The following CACNA1C variants were observed in gnomAD, a reference collection of about 807,000 sequenced individuals.
CACNA1C encodes calcium voltage-gated channel subunit alpha1 C.
Under a neutral mutation model 229.0 loss-of-function variants are expected in CACNA1C, and 30 were observed. That is an observed-to-expected ratio of 0.13 (90% CI 0.10 to 0.18). The LOEUF (loss-of-function observed/expected upper bound fraction) is 0.18, where lower values mean the gene tolerates loss of function less well. Among genes scored for constraint, CACNA1C ranks in the 10% least tolerant of loss-of-function variants. The pLI is 1.00. For missense variants in CACNA1C, 1,658 were observed against 2,845.0 expected, an observed-to-expected ratio of 0.58 and a Z score of 9.49; for synonymous variants, 1,114 against 1,132.5, an observed-to-expected ratio of 0.98 and a Z score of 0.33.
chr12:1,992,115 TA>T (rs200854170), intron 1 of CACNA1C: 9,518 of 302,622 alleles, frequency 0.031, 222 homozygotes, highest in Middle Eastern at 0.058. Flanking sequence ...CTACAATTGA[TA>T]AAGTGTACCT....
At chr12:2,156,349 T>C (rs540246494) in intron 3 of CACNA1C, among the ~76,000 whole-genome samples, 2 of 152,280 alleles carry the variant, frequency 1.3e-5, no homozygotes, top group South Asian at 4.1e-4. Flanking sequence ...AGCGTAAAAA[T>C]TGCAGATTCA....
chr12:2,319,834 A>T lies in CACNA1C; in HGVS notation c.478-129142A>T, dbSNP rs1183760530. 6.6e-6 allele frequency among the ~76,000 whole-genome samples: 1 copy of T among 152,026 alleles called. No homozygotes were observed. The highest frequency in any genetic ancestry group is 1.9e-4 in the East Asian group (1 of 5,174). On this transcript the variant is annotated intron_variant, in intron 3 of 46. Coordinates refer to ENST00000399655, the MANE Select transcript of CACNA1C (RefSeq NM_000719.7). This position sits in a 1 kb window ranked among gnomAD's most constrained non-coding sequence, Gnocchi z 4.0. ...AAGAGCCTGCCAGGTATCCCCTTCT[A>T]GCAGGAGGGGCCCCCAGACATTTCA...
chr12:2,684,306 A>C (rs1274135620), intron 43 of CACNA1C, among the ~76,000 whole-genome samples: 2 of 152,184 alleles, frequency 1.3e-5, no homozygotes, highest in Non-Finnish European at 2.9e-5. Flanking sequence ...CCCATCAGCA[A>C]AATGGGACGG....
chr12:1,970,814 C>T (rs1042356031), upstream of CACNA1C: 11 of 271,582 alleles, frequency 4.1e-5, no homozygotes, highest in African/African-American at 1.8e-4. Context: ...GCAGGGAAGA[C>T]GAAAATACAA....
intron 9 of CACNA1C, among the ~76,000 whole-genome samples, chr12:2,544,679 C>T (rs537086723): frequency 2.0e-5 from 3 of 152,334 alleles, no homozygotes; most frequent in South Asian, 2.1e-4. Flanking sequence ...AGCAAACTCT[C>T]GGAAAGCATT....
At chr12:2,254,868 G>T (rs370925778) in intron 3 of CACNA1C, among the ~76,000 whole-genome samples, 2 of 152,094 alleles carry the variant, frequency 1.3e-5, no homozygotes, top group African/African-American at 4.8e-5. Flanking sequence ...ATATCCCCCC[G>T]TCCTCTCTTC....
At chr12:2,411,803 G>A (rs1490270847) in intron 3 of CACNA1C, among the ~76,000 whole-genome samples, 4 of 152,274 alleles carry the variant, frequency 2.6e-5, no homozygotes, top group African/African-American at 9.6e-5. Flanking sequence ...TTGCTGGGCT[G>A]GAGGCAGAAA....
In CACNA1C at chr12:2,602,513, A is replaced by G. The variant is rs1158443172; in HGVS notation, c.2960+553A>G. ...TTTGTGGCTGTGTGTATGTGTGTGT[A>G]TGTATGTGTTTGTGTTTGTGTCTGC... On this transcript the variant is annotated intron_variant, in intron 22 of 46. Coordinates refer to ENST00000399655, the MANE Select transcript of CACNA1C (RefSeq NM_000719.7). The surrounding 1 kb of genome is among the most constrained non-coding windows in gnomAD (Gnocchi z 4.4). Among the ~76,000 whole-genome samples, 2 of 151,170 alleles carry G rather than the reference A, an allele frequency of 1.3e-5. No homozygotes were observed. Among genetic ancestry groups the G allele is most frequent in the African/African-American group, 4.9e-5 (2 of 41,042 alleles).
intron 5 of CACNA1C, among the ~76,000 whole-genome samples, chr12:2,459,162 T>C (rs2099474869): frequency 1.1e-5 from 1 of 92,480 alleles, no homozygotes; most frequent in Non-Finnish European, 2.1e-5. Flanking sequence ...TTTGTTTTTT[T>C]GTGTGTGTTT....
chr12:2,401,671 C>A (rs983083248), intron 3 of CACNA1C, among the ~76,000 whole-genome samples: 1 of 152,246 alleles, frequency 6.6e-6, no homozygotes, highest in African/African-American at 2.4e-5. Context: ...CCTCCCTATG[C>A]CTCAGTTTTC....
chr12:2,563,649 G>T (rs367954990), intron 11 of CACNA1C, among the ~76,000 whole-genome samples: 13 of 152,362 alleles, frequency 8.5e-5, no homozygotes, highest in African/African-American at 3.1e-4. Context: ...CTTGGTAACA[G>T]GATTTTCTGC....
chr12:2,009,080 A>G (rs920879351), intron 1 of CACNA1C, among the ~76,000 whole-genome samples: 4 of 152,194 alleles, frequency 2.6e-5, no homozygotes, highest in African/African-American at 9.7e-5. Context: ...GTGCTGGCGT[A>G]CTTCCACTGT....
Position 2,053,079 on chromosome 12 carries a change from T to G in CACNA1C, c.-484T>G. On this transcript the variant is annotated 5_prime_UTR_variant, in exon 1 of 47. Transcript: ENST00000399655. The surrounding 1 kb of genome is among the most constrained non-coding windows in gnomAD (Gnocchi z 5.8). The stretch of plus-strand genomic sequence containing the variant: ...CCGGAGCGGCGGCGGCGGCTCTTCC[T>G]GCCTCCGCGCCCAGGAGTTGCCGGC... 1 of 984,288 alleles carries G rather than the reference T, an allele frequency of 1.0e-6. No individual in the cohort carries two copies. Among genetic ancestry groups the G allele is most frequent in the Non-Finnish European group, 1.2e-6 (1 of 829,318 alleles). The allele number at this position is 984,288 out of a possible 1,614,324, so 61.0% of individuals were successfully genotyped here.
At chr12:2,126,805 A>G (rs2090253705) in intron 3 of CACNA1C, among the ~76,000 whole-genome samples, 1 of 152,208 alleles carries the variant, frequency 6.6e-6, no homozygotes, top group African/African-American at 2.4e-5. Context: ...GAGTTACCAT[A>G]AGTAAACTTC....
At position 2,512,078 on chromosome 12, in the gene CACNA1C, T is replaced by A. The variant is rs1198128067; in HGVS notation, c.1218-734T>A. Among the ~76,000 whole-genome samples the A allele has an allele frequency of 6.6e-6, 1 of 152,134 alleles. No homozygotes were observed. Among genetic ancestry groups the A allele is most frequent in the Non-Finnish European group, 1.5e-5 (1 of 68,042 alleles). ...TAGAAATCCTTCCAGGAATGCTGAG[T>A]GGCAGGTTGAGCTCGTCATAAGAAT... On this transcript the variant is annotated intron_variant, in intron 8 of 46. Transcript: ENST00000399655. The surrounding 1 kb of genome is among the most constrained non-coding windows in gnomAD (Gnocchi z 4.3).
At chr12:2,429,416 A>G (rs1008687890) in intron 3 of CACNA1C, among the ~76,000 whole-genome samples, 2 of 152,138 alleles carry the variant, frequency 1.3e-5, no homozygotes, top group Admixed American at 1.3e-4. Context: ...GGGACCTAAC[A>G]TCTATTCAGC....
At chr12:2,560,777 C>T (rs967144581) in intron 11 of CACNA1C, among the ~76,000 whole-genome samples, 1 of 144,206 alleles carries the variant, frequency 6.9e-6, no homozygotes, top group Non-Finnish European at 1.5e-5. Flanking sequence ...TCTAATAGTC[C>T]TTTGTAAAGT....
chr12:2,249,575 C>G (rs746439559), intron 3 of CACNA1C, among the ~76,000 whole-genome samples: 17 of 152,180 alleles, frequency 1.1e-4, no homozygotes, highest in Non-Finnish European at 2.4e-4. Flanking sequence ...GCTGGTACTC[C>G]TCTGCAGTTC....
intron 3 of CACNA1C, among the ~76,000 whole-genome samples, chr12:2,232,173 G>A (rs964754814): frequency 1.9e-4 from 27 of 144,410 alleles, no homozygotes; most frequent in Admixed American, 1.5e-3. Flanking sequence ...ATGACATTTA[G>A]TCATCGTGTC....
Sources: gnomAD v4.1 joint callset for allele counts (sites outside exome capture counted in the v4.1 genomes callset) on GRCh38, gnomAD v4.1.1 for gene constraint, Gnocchi (gnomAD v3.1) non-coding constraint, MANE v1.5 for transcripts, NCBI Gene and HGNC (gene_info 2026-07-23, HGNC 2026-07-21) for gene names.